The following MAP9 variants were observed in gnomAD, a reference collection of about 807,000 sequenced individuals.
MAP9 encodes the protein microtubule-associated protein 9.
A neutral mutation model predicts 75.2 loss-of-function variants in MAP9; 80 were observed. That is an observed-to-expected ratio of 1.06 (90% CI 0.89 to 1.28). The LOEUF (loss-of-function observed/expected upper bound fraction) is 1.28, where lower values mean the gene tolerates loss of function less well. Ranked by LOEUF, MAP9 falls within the 50% of genes most tolerant of loss-of-function variation. The pLI is 0.00. For synonymous variants in MAP9, 235 were observed against 237.3 expected (o/e 0.99, Z 0.09); for missense variants, 753 against 719.9 (o/e 1.05, Z -0.53).
chr4:155,375,843 T>C lies in MAP9; in HGVS notation c.8A>G (p.Asp3Gly). The C allele has an allele frequency of 1.2e-6, 2 of 1,607,102 alleles. No homozygotes were observed. Among genetic ancestry groups the C allele is most frequent in the Middle Eastern group, 1.7e-4 (1 of 5,984 alleles). The change falls in exon 2 of 14, where the codon GAT becomes GGT. Residue 3 changes from aspartate to glycine, a missense_variant. Coordinates refer to ENST00000311277, the MANE Select transcript of MAP9 (RefSeq NM_001039580.2). ...TGCCAAAGTGGTGCTAAAAACTTCATCAGACATAGTGTATTTTTTCTCGTT... is the reference window on the plus strand; with the variant it reads ...TGCCAAAGTGGTGCTAAAAACTTCACCAGACATAGTGTATTTTTTCTCGTT... MSDEVFSTTLAYT... is the reference protein window; with the variant it reads MSGEVFSTTLAYT...
Position 155,344,309 on chromosome 4 carries a change from A to AAAG in MAP9, c.*3471_*3473dup, listed in dbSNP as rs1731208721. On this transcript the variant is annotated 3_prime_UTR_variant, in exon 14 of 14. Coordinates refer to ENST00000311277, the MANE Select transcript of MAP9 (RefSeq NM_001039580.2). ...TAACCACAGTTCAAAAGTTAGTGTGAAAGTTTTATCAATATCGAAATTGTG... is the reference window on the plus strand; with the variant it reads ...TAACCACAGTTCAAAAGTTAGTGTGAAAGAAGTTTTATCAATATCGAAATTGTG... 6.6e-6 allele frequency: 1 copy of AAAG among 151,928 alleles called. No individual in the cohort carries two copies. Among genetic ancestry groups the AAAG allele is most frequent in the African/African-American group, 2.4e-5 (1 of 41,418 alleles). The allele number at this position is 151,928 out of a possible 1,614,324, so 9.4% of individuals were successfully genotyped here.
In MAP9 at chr4:155,343,497, G is replaced by C. The variant is rs1299863496; in HGVS notation, c.*4286C>G. 2.0e-5 allele frequency: 3 copies of C among 151,260 alleles called. No individual in the cohort carries two copies. Among genetic ancestry groups the C allele is most frequent in the Non-Finnish European group, 4.4e-5 (3 of 67,672 alleles). The allele number at this position is 151,260 out of a possible 1,614,324, so 9.4% of individuals were successfully genotyped here. A position where few individuals can be genotyped will look rare whatever the true frequency, so the allele number is the denominator to read the frequency against. ...ATTATATTATCTCTCTCTGTAATTT[G>C]TGTAGTAAAACATCAGTTTTATATC... On this transcript the variant is annotated 3_prime_UTR_variant, in exon 14 of 14. Coordinates refer to ENST00000311277, the MANE Select transcript of MAP9 (RefSeq NM_001039580.2).
Position 155,345,340 on chromosome 4 carries a change from T to A in MAP9, c.*2443A>T, listed in dbSNP as rs1731244676. 1.3e-5 allele frequency: 2 copies of A among 152,226 alleles called. No homozygotes were observed. Among genetic ancestry groups the A allele is most frequent in the South Asian group, 4.1e-4 (2 of 4,834 alleles). The allele number at this position is 152,226 out of a possible 1,614,324, so 9.4% of individuals were successfully genotyped here. A position where few individuals can be genotyped will look rare whatever the true frequency, so the allele number is the denominator to read the frequency against. On this transcript the variant is annotated 3_prime_UTR_variant, in exon 14 of 14. Coordinates refer to ENST00000311277, the MANE Select transcript of MAP9 (RefSeq NM_001039580.2). ...TTTGAAGTGAATGACTTGTTGGGTC[T>A]ATGCAAACACCTCATCCTACCTCAG...
chr4:155,359,315 T>C (rs1731955551), intron 7 of MAP9, among the ~76,000 whole-genome samples: 1 of 151,738 alleles, frequency 6.6e-6, no homozygotes, highest in Admixed American at 6.6e-5. Context: ...TGGAGGCTAT[T>C]ACCTTAAGTG....
At position 155,375,922 on chromosome 4, in the gene MAP9, A is replaced by T; in HGVS notation, c.-64-8T>A. The stretch of plus-strand genomic sequence containing the variant: ...TTCAACTTCTGATAGTAGCTGAAAT[A>T]TACAAAACAAATCAGACTTCGCATG... On this transcript the variant is annotated splice_polypyrimidine_tract_variant and splice_region_variant and intron_variant, in intron 1 of 13. Transcript: ENST00000311277. 1.0e-6 allele frequency: 1 copy of T among 985,068 alleles called. No individual in the cohort carries two copies. The allele number at this position is 985,068 out of a possible 1,614,324, so 61.0% of individuals were successfully genotyped here. A position where few individuals can be genotyped will look rare whatever the true frequency, so the allele number is the denominator to read the frequency against.
rs190106671 is a variant in MAP9, at chr4:155,356,008, C to T, written c.1122-124G>A. On this transcript the variant is annotated intron_variant, in intron 8 of 13. Transcript: ENST00000311277. ...AGGCATGATGGCTCACACCTGTAATCCCAGCACTTTGGAAGGCCAAAGTGG... is the reference window on the plus strand; with the variant it reads ...AGGCATGATGGCTCACACCTGTAATTCCAGCACTTTGGAAGGCCAAAGTGG... 6.2e-3 allele frequency: 5,421 copies of T among 876,336 alleles called. 37 individuals are homozygous for T. Among genetic ancestry groups the T allele is most frequent in the Non-Finnish European group, 7.0e-3 (4,113 of 589,434 alleles). The allele number at this position is 876,336 out of a possible 1,614,324, so 54.3% of individuals were successfully genotyped here. A position where few individuals can be genotyped will look rare whatever the true frequency, so the allele number is the denominator to read the frequency against.
At position 155,360,357 on chromosome 4, in the gene MAP9, C is replaced by G; in HGVS notation, c.861G>C (p.Glu287Asp). 6.2e-7 allele frequency: 1 copy of G among 1,611,770 alleles called. No homozygotes were observed. The highest frequency in any genetic ancestry group is 8.5e-7 in the Non-Finnish European group (1 of 1,178,338). ...HNSLKSDENKENSFSADHVTT... is the reference protein window; with the variant it reads ...HNSLKSDENKDNSFSADHVTT... ...TCACATGGTCTGCTGAAAATGAATT[C>G]TCTTTATTTTCATCTGATTTCAAGG... The change falls in exon 7 of 14, where the codon GAG becomes GAC. Residue 287 changes from glutamate to aspartate, a missense_variant. Transcript: ENST00000311277.
rs56261222 is a variant in MAP9, at chr4:155,359,210, TACACACACACAC to T, written c.1050+946_1050+957del. On this transcript the variant is annotated intron_variant, in intron 7 of 13. Coordinates refer to ENST00000311277, the MANE Select transcript of MAP9 (RefSeq NM_001039580.2). ...TATGATTGTATAAAGAAAATGTGTA[TACACACACACAC>T]ACACACACACACACACACACACACA... 8.2e-5 allele frequency among the ~76,000 whole-genome samples: 12 copies of T among 145,580 alleles called. No homozygotes were observed. The South Asian group carries it at 1.1e-3, about 13-fold the overall frequency.
At chr4:155,372,071 T>A (rs1434436054) in intron 4 of MAP9, among the ~76,000 whole-genome samples, 2 of 152,194 alleles carry the variant, frequency 1.3e-5, no homozygotes, top group South Asian at 4.1e-4. Flanking sequence ...GCTTAACTTA[T>A]TTGCTGAAGT....
intron 10 of MAP9, 114 bp from the exon 11 acceptor site, chr4:155,353,454 C>T (rs1296779288): frequency 1.2e-6 from 1 of 851,308 alleles, no homozygotes; most frequent in Non-Finnish European, 1.6e-6. Flanking sequence ...CTCTGATATT[C>T]ATTATACTTA....
rs1711733688 is a variant in MAP9 at position 155,343,354 on chromosome 4, T to C, written c.*4429A>G. The C allele has an allele frequency of 6.6e-6, 1 of 151,730 alleles. No homozygotes were observed. Among genetic ancestry groups the C allele is most frequent in the Admixed American group, 6.6e-5 (1 of 15,204 alleles). The allele number at this position is 151,730 out of a possible 1,614,324, so 9.4% of individuals were successfully genotyped here. A position where few individuals can be genotyped will look rare whatever the true frequency, so the allele number is the denominator to read the frequency against. ...CTACAGGAGAAAGTACACTAGAAAC[T>C]AATTAACAGGAAGAGTACAAAATAA... On this transcript the variant is annotated 3_prime_UTR_variant, in exon 14 of 14. Coordinates refer to ENST00000311277, the MANE Select transcript of MAP9 (RefSeq NM_001039580.2).
Position 155,343,219 on chromosome 4 carries a change from T to C in MAP9, c.*4564A>G, listed in dbSNP as rs1731173579. 6.6e-6 allele frequency: 1 copy of C among 150,978 alleles called. No individual in the cohort carries two copies. The highest frequency in any genetic ancestry group is 1.5e-5 in the Non-Finnish European group (1 of 67,684). 9.4% of individuals were successfully genotyped at this position (150,978 alleles called of 1,614,324 possible). On this transcript the variant is annotated 3_prime_UTR_variant, in exon 14 of 14. Transcript: ENST00000311277. ...TATATTATGTACATCATTATATATA[T>C]ATGCATACATATTTGTATATACACA...
chr4:155,357,717 T>C (rs1731862815), intron 7 of MAP9, among the ~76,000 whole-genome samples, 198 bp from the exon 8 acceptor site: 1 of 151,914 alleles, frequency 6.6e-6, no homozygotes, highest in African/African-American at 2.4e-5. Flanking sequence ...AATAAATATA[T>C]AAGCAAACAT....
At position 155,345,897 on chromosome 4, in the gene MAP9, A is replaced by ACTT. The variant is rs978477807; in HGVS notation, c.*1883_*1885dup. 3.3e-5 allele frequency: 5 copies of ACTT among 152,142 alleles called. No homozygotes were observed. The highest frequency in any genetic ancestry group is 7.4e-5 in the Non-Finnish European group (5 of 68,012). The allele number at this position is 152,142 out of a possible 1,614,324, so 9.4% of individuals were successfully genotyped here. On this transcript the variant is annotated 3_prime_UTR_variant, in exon 14 of 14. Coordinates refer to ENST00000311277, the MANE Select transcript of MAP9 (RefSeq NM_001039580.2). Reference sequence around the variant, plus strand: ...GCTCTAAACAGCTAATACAATAAACACTTTTAATCTATTTTGGCAGGCACT... The same window carrying ACTT: ...GCTCTAAACAGCTAATACAATAAACACTTCTTTTAATCTATTTTGGCAGGCACT...
intron 7 of MAP9, among the ~76,000 whole-genome samples, chr4:155,359,711 C>A (rs150002511): frequency 6.6e-6 from 1 of 151,974 alleles, no homozygotes; most frequent in Admixed American, 6.6e-5. Flanking sequence ...CTGATGATAA[C>A]CATCTATTTT....
chr4:155,371,555 CT>C (rs1560817673), intron 4 of MAP9, among the ~76,000 whole-genome samples: 2 of 151,578 alleles, frequency 1.3e-5, no homozygotes, highest in Non-Finnish European at 2.9e-5. Context: ...AAGAAAAGCG[CT>C]TTTTTTGGTA....
chr4:155,369,328 T>TAA (rs201446447), intron 4 of MAP9, among the ~76,000 whole-genome samples: 1 of 104,928 alleles, frequency 9.5e-6, no homozygotes, highest in Non-Finnish European at 2.0e-5. Flanking sequence ...AAAATCCATC[T>TAA]AAAAAAAAAA....
intron 13 of MAP9, among the ~76,000 whole-genome samples, chr4:155,349,147 C>T (rs1446822149): frequency 1.3e-5 from 2 of 152,070 alleles, no homozygotes; most frequent in Admixed American, 6.6e-5. Context: ...AGAAGCCACT[C>T]GTGATAAATA....
chr4:155,369,548 G>A (rs893803993), intron 4 of MAP9, among the ~76,000 whole-genome samples: 2 of 152,068 alleles, frequency 1.3e-5, no homozygotes, highest in Non-Finnish European at 2.9e-5. Flanking sequence ...AAGCCTTTGA[G>A]TACCAAGCCC....
Sources: allele counts gnomAD v4.1 joint callset (sites outside exome capture counted in the v4.1 genomes callset), GRCh38; gene constraint gnomAD v4.1.1; transcripts MANE v1.5; gene names NCBI Gene and HGNC (gene_info 2026-07-23, HGNC 2026-07-21).